EPG5: variants seen among roughly 807,000 people sequenced by gnomAD.
The protein encoded by EPG5 is ectopic P-granules 5 autophagy tethering factor.
Under a neutral mutation model 302.7 loss-of-function variants are expected in EPG5, and 159 were observed. The observed-to-expected ratio is 0.53, with a 90% CI of 0.46 to 0.60. The LOEUF (loss-of-function observed/expected upper bound fraction) is 0.60, where lower values mean the gene tolerates loss of function less well. Ranked by LOEUF, EPG5 falls within the 20% of genes least tolerant of loss-of-function variation. The pLI is 0.00. For synonymous variants in EPG5, 1,158 were observed against 1,136.8 expected (o/e 1.02, Z -0.37); for missense variants, 2,896 against 3,092.4 (o/e 0.94, Z 1.51).
At chr18:45,889,363 T>G (rs1054909168) in intron 28 of EPG5, among the ~76,000 whole-genome samples, 3 of 152,242 alleles carry the variant, frequency 2.0e-5, no homozygotes, top group African/African-American at 7.2e-5. Context: ...ATGAACTTTG[T>G]TCAGTCATCT....
At chr18:45,859,513 A>T (rs1403982316) in intron 40 of EPG5, among the ~76,000 whole-genome samples, 2 of 152,204 alleles carry the variant, frequency 1.3e-5, no homozygotes, top group African/African-American at 4.8e-5. Flanking sequence ...TTATCTGGAT[A>T]TCAGAGTTGA....
chr18:45,873,174 T>C (rs1321581163), intron 35 of EPG5, among the ~76,000 whole-genome samples: 1 of 152,200 alleles, frequency 6.6e-6, no homozygotes, highest in African/African-American at 2.4e-5. Context: ...ATTTTATTCA[T>C]ATACAGGGGC....
chr18:45,943,731 C>T (rs1027976000), intron 8 of EPG5, among the ~76,000 whole-genome samples: 15 of 152,040 alleles, frequency 9.9e-5, no homozygotes, highest in Non-Finnish European at 2.2e-4. Flanking sequence ...ACCATCCTGG[C>T]TAACACGGTG....
At chr18:45,808,442 T>A in the EPG5 span, among the ~76,000 whole-genome samples, 1 of 152,116 alleles carries the variant, frequency 6.6e-6, no homozygotes, top group Admixed American at 6.5e-5. Context: ...TATGTAAAGT[T>A]AAGACAAAGG....
chr18:45,863,219 G>C (rs944382908), intron 39 of EPG5, among the ~76,000 whole-genome samples: 4 of 152,114 alleles, frequency 2.6e-5, no homozygotes, highest in African/African-American at 7.2e-5. Flanking sequence ...CTTAAAGCTA[G>C]ATGTTTTTGG....
At chr18:45,862,714 G>A (rs2145229968) in intron 39 of EPG5, among the ~76,000 whole-genome samples, 1 of 152,320 alleles carries the variant, frequency 6.6e-6, no homozygotes, top group African/African-American at 2.4e-5. Flanking sequence ...CAGAGGCCGA[G>A]CAGATGGCAG....
rs1295248603 is a variant in EPG5 at position 45,878,433 on chromosome 18, T to C, written c.5885A>G (p.His1962Arg). ...ASRKTVLKSL[H>R]SVIIQLFKPW... Reference sequence around the variant, plus strand: ...CTTAAAGAGCTGAATGATTACTGAATGTAGGGATTTCAGCACTAAAAAGTT... The same window carrying C: ...CTTAAAGAGCTGAATGATTACTGAACGTAGGGATTTCAGCACTAAAAAGTT... Residue 1962 changes from histidine (H) to arginine (R), a missense_variant, in exon 34 of 44, where the codon CAT (histidine) becomes CGT (arginine). Transcript: ENST00000282041. The C allele has an allele frequency of 6.2e-7, 1 of 1,611,892 alleles. No homozygotes were observed. The highest frequency in any genetic ancestry group is 8.5e-7 in the Non-Finnish European group (1 of 1,178,860).
the EPG5 span, among the ~76,000 whole-genome samples, chr18:45,824,463 C>A: frequency 6.6e-6 from 1 of 152,196 alleles, no homozygotes; most frequent in Admixed American, 6.5e-5. Context: ...GCCTCAGCCT[C>A]CCAACATGCT....
chr18:45,890,192 G>A, intron 27 of EPG5: 1 of 294,888 alleles, frequency 3.4e-6, no homozygotes, highest in East Asian at 6.3e-5. Flanking sequence ...TTCCACCACT[G>A]AGGCTTTTCT....
Position 45,954,310 on chromosome 18 carries a change from G to A in EPG5, c.1008+84C>T, listed in dbSNP as rs895810710. On this transcript the variant is annotated intron_variant, in intron 2 of 43. Coordinates refer to ENST00000282041, the MANE Select transcript of EPG5 (RefSeq NM_020964.3). ...CTAGGCTGAGGCAGGGTCAGAGTGG[G>A]TGTAAGGCACAGACTCCAGACCTGG... 8.2e-5 allele frequency: 104 copies of A among 1,262,800 alleles called. 1 individual carries two copies. Among genetic ancestry groups the A allele is most frequent in the African/African-American group, 7.6e-4 (51 of 66,734 alleles). 78.2% of individuals were successfully genotyped at this position (1,262,800 alleles called of 1,614,324 possible). A position where few individuals can be genotyped will look rare whatever the true frequency, so the allele number is the denominator to read the frequency against.
chr18:45,828,727 C>A, the EPG5 span, among the ~76,000 whole-genome samples: 3 of 152,198 alleles, frequency 2.0e-5, no homozygotes, highest in Admixed American at 6.5e-5. Flanking sequence ...CCACCTCTCC[C>A]GCACCCTCCT....
intron 39 of EPG5, among the ~76,000 whole-genome samples, chr18:45,864,548 C>T (rs1050716719): frequency 2.6e-5 from 4 of 152,124 alleles, no homozygotes; most frequent in East Asian, 1.9e-4. Flanking sequence ...TCATTTCTGA[C>T]GCTGCTGTTG....
intron 12 of EPG5, among the ~76,000 whole-genome samples, chr18:45,929,955 G>C (rs1465979924): frequency 6.6e-6 from 1 of 152,200 alleles, no homozygotes; most frequent in East Asian, 1.9e-4. Context: ...GAGCACACTA[G>C]AATACTTTGG....
Position 45,913,777 on chromosome 18 carries a change from AG to A in EPG5, c.3744del (p.Ser1249ProfsTer12). 6.2e-7 allele frequency: 1 copy of A among 1,614,144 alleles called. No individual in the cohort carries two copies. Among genetic ancestry groups the A allele is most frequent in the Non-Finnish European group, 8.5e-7 (1 of 1,179,992 alleles). On this transcript the variant is annotated frameshift_variant, in exon 21 of 44. Transcript: ENST00000282041. LOFTEE classifies it high-confidence loss of function. The part of the protein sequence containing the change: ...VLNMESIFEE[D>X]SQLRRVIEGE... ...CCTTCAATAACTCTCCGGAGCTGGG[AG>A]TCCTCTTCAAAGATGGATTCCATGT...
chr18:45,950,362 C>G (rs541398942), intron 4 of EPG5, among the ~76,000 whole-genome samples: 1 of 152,236 alleles, frequency 6.6e-6, no homozygotes, highest in East Asian at 1.9e-4. Context: ...TGGGAGGTAA[C>G]TGAATCATGG....
At chr18:45,901,646 G>A (rs185051741) in intron 25 of EPG5, among the ~76,000 whole-genome samples, 1 of 152,276 alleles carries the variant, frequency 6.6e-6, no homozygotes, top group Non-Finnish European at 1.5e-5. Flanking sequence ...GAGATAAAAT[G>A]AATGAAGACA....
the EPG5 span, among the ~76,000 whole-genome samples, chr18:45,841,911 C>A: frequency 6.6e-6 from 1 of 152,170 alleles, no homozygotes; most frequent in South Asian, 2.1e-4. Context: ...GTCTGGGCTG[C>A]CCTGGCCTTT....
intron 32 of EPG5, 53 bp downstream of exon 32, chr18:45,880,022 C>G: frequency 6.8e-7 from 1 of 1,477,438 alleles, no homozygotes; most frequent in South Asian, 1.4e-5. Context: ...AAATGAATAG[C>G]AAGGGAAATA....
chr18:45,821,437 C>CA, the EPG5 span, among the ~76,000 whole-genome samples: 4 of 151,926 alleles, frequency 2.6e-5, no homozygotes, highest in East Asian at 1.9e-4. Flanking sequence ...GTGCCTAAGA[C>CA]AAAAAAGAGA....
Sources: allele counts gnomAD v4.1 joint callset (sites outside exome capture counted in the v4.1 genomes callset), GRCh38; gene constraint gnomAD v4.1.1; transcripts MANE v1.5; gene names NCBI Gene and HGNC (gene_info 2026-07-23, HGNC 2026-07-21).